ATRX: variants seen among roughly 807,000 people sequenced by gnomAD.
ATRX encodes ATRX chromatin remodeler.
In ATRX, 12 loss-of-function variants were observed where a neutral mutation model predicts 172.6. The observed-to-expected ratio is 0.07, with a 90% CI of 0.04 to 0.11. The LOEUF is 0.11. Among genes scored for constraint, ATRX ranks in the 10% least tolerant of loss-of-function variants. The pLI, the probability that ATRX is intolerant of heterozygous loss-of-function variation, is 1.00. For synonymous variants in ATRX, 674 were observed against 594.7 expected, an observed-to-expected ratio of 1.13 and a Z score of -1.94; for missense variants, 1,368 against 1,767.4, an observed-to-expected ratio of 0.77 and a Z score of 4.05.
At chrX:77,742,814 C>A (rs2074929453) in intron 1 of ATRX, among the ~76,000 whole-genome samples, 1 of 111,543 alleles carries the variant, frequency 9.0e-6, no homozygotes, top group Non-Finnish European at 1.9e-5. Context: ...AGCCCTGAAT[C>A]TAATTAATTT....
At chrX:77,780,294 T>C (rs2076523660) in intron 1 of ATRX, among the ~76,000 whole-genome samples, 1 of 111,021 alleles carries the variant, frequency 9.0e-6, no homozygotes, top group African/African-American at 3.3e-5. Context: ...TAAGAGAAAA[T>C]GATAAACACT....
At chrX:77,628,628 T>A (rs1411719435) in intron 19 of ATRX, among the ~76,000 whole-genome samples, 1 of 112,098 alleles carries the variant, frequency 8.9e-6, no homozygotes, top group African/African-American at 3.2e-5. Flanking sequence ...CTTTCTTTTT[T>A]AAGAAACTGG....
intron 5 of ATRX, among the ~76,000 whole-genome samples, chrX:77,694,226 G>A (rs1394426357): frequency 8.9e-6 from 1 of 111,901 alleles, no homozygotes; most frequent in African/African-American, 3.2e-5. Flanking sequence ...ACCCAGTTCT[G>A]AATTTTTATA....
At chrX:77,643,284 C>A (rs1390987206) in intron 15 of ATRX, among the ~76,000 whole-genome samples, 1 of 110,977 alleles carries the variant, frequency 9.0e-6, no homozygotes, top group Non-Finnish European at 1.9e-5. Flanking sequence ...CACACACACA[C>A]AAAACAACTG....
At chrX:77,634,232 TAAAAAAAAAAAAAAA>T (rs144290953) in intron 17 of ATRX, among the ~76,000 whole-genome samples, 2 of 54,071 alleles carry the variant, frequency 3.7e-5, no homozygotes, top group Middle Eastern at 0.015. Flanking sequence ...TTAAAAGTTG[TAAAAAAAAAAAAAAA>T]AAAAAAAAAG....
rs1557032956 is a variant in ATRX at position 77,506,354 on chromosome X, AC to A, written c.*1996del. On this transcript the variant is annotated 3_prime_UTR_variant, in exon 35 of 35. Coordinates refer to ENST00000373344, the MANE Select transcript of ATRX (RefSeq NM_000489.6). The stretch of plus-strand genomic sequence containing the variant: ...TATTTCAAACTCTGATTTCCAATTA[AC>A]CCTTCTAAGTATTATTCTTTAAGTT... The A allele has an allele frequency of 1.2e-5, 2 of 171,947 alleles. No individual in the cohort carries two copies. Among genetic ancestry groups the A allele is most frequent in the East Asian group, 1.7e-4 (2 of 12,034 alleles). The allele number at this position is 171,947 out of a possible 1,213,427, so 14.2% of individuals were successfully genotyped here.
In ATRX at chrX:77,786,068, G is replaced by A. The variant is rs1032734293; in HGVS notation, c.-67C>T. ...CGCCGATCTGCGCTCCCCCGCGCCC[G>A]GTTACGATAGAAATGCACTGGAGTC... On this transcript the variant is annotated 5_prime_UTR_variant, in exon 1 of 35. Transcript: ENST00000373344. 3 of 1,125,168 alleles carry A rather than the reference G, an allele frequency of 2.7e-6. No individual in the cohort carries two copies. Among genetic ancestry groups the A allele is most frequent in the African/African-American group, 1.8e-5 (1 of 55,340 alleles). 92.7% of individuals were successfully genotyped at this position (1,125,168 alleles called of 1,213,427 possible). A position where few individuals can be genotyped will look rare whatever the true frequency, so the allele number is the denominator to read the frequency against.
chrX:77,544,204 G>A (rs1039123554), intron 30 of ATRX, among the ~76,000 whole-genome samples: 12 of 111,054 alleles, frequency 1.1e-4, no homozygotes, highest in South Asian at 7.5e-4. Flanking sequence ...TAAATCTAGC[G>A]GATGGGTATA....
At chrX:77,697,746 T>C in intron 3 of ATRX, 111 bp from the exon 4 acceptor site, 2 of 599,785 alleles carry the variant, frequency 3.3e-6, no homozygotes, top group South Asian at 3.6e-5. Context: ...AGATGCTATT[T>C]ATGTGCCTAG....
chrX:77,544,770 G>C (rs2064171474), intron 30 of ATRX, among the ~76,000 whole-genome samples: 1 of 110,825 alleles, frequency 9.0e-6, no homozygotes, highest in Non-Finnish European at 1.9e-5. Flanking sequence ...TGGCTGCATA[G>C]TATTCCATGG....
At position 77,682,901 on chromosome X, in the gene ATRX, T is replaced by G. The variant is rs1164315054; in HGVS notation, c.2355A>C (p.Thr785=). Residue 785 remains threonine (T), a synonymous_variant, in exon 9 of 35, where the codon ACA becomes ACC. Transcript: ENST00000373344. ...DKGKRKRKSS[T]SGSDFDTKKG... ...TTTTAGTATCAAAATCTGAGCCAGA[T>G]GTAGAACTTTTTCGTTTCCTTTTTC... The G allele has an allele frequency of 1.7e-6, 2 of 1,211,079 alleles. No individual in the cohort carries two copies. The highest frequency in any genetic ancestry group is 2.2e-5 in the Admixed American group (1 of 45,891).
chrX:77,511,552 A>G (rs1195300576), intron 34 of ATRX, among the ~76,000 whole-genome samples: 1 of 111,863 alleles, frequency 8.9e-6, no homozygotes, highest in Non-Finnish European at 1.9e-5. Context: ...AGGAAATTCA[A>G]TGAAATTCAA....
At chrX:77,645,132 G>C (rs972564834) in intron 15 of ATRX, among the ~76,000 whole-genome samples, 63 of 111,199 alleles carry the variant, frequency 5.7e-4, no homozygotes, top group African/African-American at 1.9e-3. Flanking sequence ...AAAAAAGTTA[G>C]CTGAGGATTC....
rs1279003411 is a variant in ATRX at position 77,699,746 on chromosome X, G to A, written c.134-1117C>T. Among the ~76,000 whole-genome samples the A allele has an allele frequency of 5.4e-5, 6 of 111,634 alleles. No homozygotes were observed. The East Asian group carries it at 1.7e-3, about 31-fold the overall frequency. ...CTAAAACTGACTCAAGAAGAAACAGGTGTGAACAGACCTGTAACAATTGAT... is the reference window on the plus strand; with the variant it reads ...CTAAAACTGACTCAAGAAGAAACAGATGTGAACAGACCTGTAACAATTGAT... On this transcript the variant is annotated intron_variant, in intron 2 of 34. Coordinates refer to ENST00000373344, the MANE Select transcript of ATRX (RefSeq NM_000489.6).
intron 30 of ATRX, among the ~76,000 whole-genome samples, chrX:77,530,597 A>C (rs2063542612): frequency 9.5e-6 from 1 of 105,737 alleles, no homozygotes; most frequent in African/African-American, 3.5e-5. Context: ...CAACAGAGTG[A>C]GACTCCGTCT....
At chrX:77,540,284 G>A (rs1241831379) in intron 30 of ATRX, among the ~76,000 whole-genome samples, 1 of 111,379 alleles carries the variant, frequency 9.0e-6, no homozygotes, top group Non-Finnish European at 1.9e-5. Flanking sequence ...AAATATATAT[G>A]CACCCAATAC....
intron 1 of ATRX, among the ~76,000 whole-genome samples, chrX:77,780,748 C>A (rs1334505452): frequency 9.1e-6 from 1 of 109,734 alleles, no homozygotes; most frequent in Non-Finnish European, 1.9e-5. Context: ...CAAGACCAGA[C>A]TGGGCAACAA....
intron 22 of ATRX, among the ~76,000 whole-genome samples, chrX:77,605,141 A>G (rs782759171): frequency 1.8e-5 from 2 of 112,564 alleles, no homozygotes; most frequent in African/African-American, 3.2e-5. Flanking sequence ...ATAAATTTAT[A>G]CGAATAAAAT....
intron 10 of ATRX, among the ~76,000 whole-genome samples, chrX:77,670,703 G>A (rs1225536955): frequency 5.6e-5 from 6 of 107,481 alleles, no homozygotes; most frequent in African/African-American, 1.7e-4. Context: ...TGCAGTGAGC[G>A]GAGATCATGC....
Sources: allele counts gnomAD v4.1 joint callset (sites outside exome capture counted in the v4.1 genomes callset), GRCh38; gene constraint gnomAD v4.1.1; transcripts MANE v1.5; gene names NCBI Gene and HGNC (gene_info 2026-07-23, HGNC 2026-07-21).